The following CDC25C variants were observed in gnomAD, a reference collection of about 807,000 sequenced individuals.
CDC25C encodes M-phase inducer phosphatase 3.
A neutral mutation model predicts 52.5 loss-of-function variants in CDC25C; 48 were observed. That is an observed-to-expected ratio of 0.91 (90% confidence interval 0.72 to 1.16). The LOEUF is 1.16. CDC25C is among the 50% of genes most tolerant of loss of function. The pLI is 0.00. For synonymous variants in CDC25C, 187 were observed against 206.5 expected (o/e 0.91, Z 0.81); for missense variants, 510 against 566.1 (o/e 0.90, Z 1.01).
chr5:138,302,271 A>G (rs1757687024), intron 7 of CDC25C, among the ~76,000 whole-genome samples: 1 of 151,090 alleles, frequency 6.6e-6, no homozygotes, highest in African/African-American at 2.4e-5. Flanking sequence ...TGCTGGGATT[A>G]CAGGCATGAG....
rs1756309151 is a variant in CDC25C at position 138,287,113 on chromosome 5, C to G, written c.1026+56G>C. ...TAGACCCCTTTGTCCACAGACTCTT[C>G]TCAATAAAGAGTTATCTCCAGCCCT... is the stretch of plus-strand genomic sequence containing the variant. On this transcript the variant is annotated intron_variant, in intron 11 of 13. Transcript: ENST00000323760. The G allele has an allele frequency of 2.5e-6, 3 of 1,205,772 alleles. No individual in the cohort carries two copies. The East Asian group carries it at 7.0e-5, about 28-fold the overall frequency. The allele number at this position is 1,205,772 out of a possible 1,614,324, so 74.7% of individuals were successfully genotyped here.
chr5:138,301,155 C>T (rs1473454309), intron 7 of CDC25C, among the ~76,000 whole-genome samples: 1 of 151,886 alleles, frequency 6.6e-6, no homozygotes, highest in Admixed American at 6.6e-5. Context: ...TGGAGAAAGT[C>T]AATAAAACCA....
At chr5:138,308,551 CT>C (rs1359733478) in intron 7 of CDC25C, among the ~76,000 whole-genome samples, 1 of 152,030 alleles carries the variant, frequency 6.6e-6, no homozygotes, top group Admixed American at 6.5e-5. Context: ...CCCTAGAAAC[CT>C]TTTCCCCATG....
intron 3 of CDC25C, 58 bp downstream of exon 3, chr5:138,329,495 T>C: frequency 2.8e-6 from 3 of 1,081,006 alleles, no homozygotes; most frequent in Middle Eastern, 2.0e-4. Context: ...CCTCCTTCCC[T>C]GTTTTCTCCC....
intron 8 of CDC25C, among the ~76,000 whole-genome samples, chr5:138,290,963 T>C (rs1229197859): frequency 2.0e-5 from 3 of 151,870 alleles, no homozygotes; most frequent in African/African-American, 7.3e-5. Flanking sequence ...TGTTTATTTA[T>C]TATTTTTAAT....
rs376218256 is a variant in CDC25C, at chr5:138,307,584, A to G, written c.615+11635T>C. Among the ~76,000 whole-genome samples, 9 of 152,124 alleles carry G rather than the reference A, an allele frequency of 5.9e-5. No homozygotes were observed. The East Asian group carries it at 9.6e-4, about 16-fold the overall frequency. ...AGTTACAATCTAAGAAAATGAGCCC[A>G]TAAAAGGACAATTTTAAAACATTTT... On this transcript the variant is annotated intron_variant, in intron 7 of 13. Transcript: ENST00000323760.
chr5:138,323,093 G>A (rs1037859705), intron 6 of CDC25C, among the ~76,000 whole-genome samples: 3 of 151,214 alleles, frequency 2.0e-5, no homozygotes, highest in Admixed American at 6.6e-5. Context: ...CACCACGCCT[G>A]GCTAATTTTT....
chr5:138,330,273 A>G (rs540687024), intron 2 of CDC25C, among the ~76,000 whole-genome samples: 2 of 151,866 alleles, frequency 1.3e-5, no homozygotes, highest in Non-Finnish European at 2.9e-5. Flanking sequence ...CCTGAGCACT[A>G]TGAACACAGG....
intron 7 of CDC25C, among the ~76,000 whole-genome samples, chr5:138,316,695 G>C (rs1368216864): frequency 1.3e-5 from 2 of 152,160 alleles, no homozygotes; most frequent in Non-Finnish European, 2.9e-5. Context: ...GAAAAGATCA[G>C]ACAACCAAAG....
chr5:138,295,373 G>T (rs1757100674), intron 7 of CDC25C, among the ~76,000 whole-genome samples: 1 of 152,206 alleles, frequency 6.6e-6, no homozygotes, highest in Admixed American at 6.5e-5. Context: ...CACTTTGAGA[G>T]GCCAAGGTGA....
At position 138,289,508 on chromosome 5, in the gene CDC25C, G is replaced by A. The variant is rs1756532552; in HGVS notation, c.920C>T (p.Pro307Leu). 1.9e-6 allele frequency: 3 copies of A among 1,612,440 alleles called. No homozygotes were observed. The highest frequency in any genetic ancestry group is 2.5e-6 in the Non-Finnish European group (3 of 1,178,486). ...GKHQDLKYVNPETVAALLSGK... is the reference protein window; with the variant it reads ...GKHQDLKYVNLETVAALLSGK... Reference sequence around the variant, plus strand: ...CTCCAGAAATCTGCTTACTGTTTCTGGGTTGACATACTTCAGATCTTGGTG... The same window carrying A: ...CTCCAGAAATCTGCTTACTGTTTCTAGGTTGACATACTTCAGATCTTGGTG... The change falls in exon 10 of 14, where the codon CCA becomes CTA. Residue 307 changes from proline to leucine, a missense_variant. By Grantham distance (98) the Pro-to-Leu change is moderately conservative (BLOSUM62 -3). Coordinates refer to ENST00000323760, the MANE Select transcript of CDC25C (RefSeq NM_001790.5).
intron 8 of CDC25C, 60 bp downstream of exon 8, chr5:138,291,910 C>T (rs1047587657): frequency 1.1e-5 from 16 of 1,433,150 alleles, no homozygotes; most frequent in Admixed American, 2.0e-5. Context: ...ATCCTCATAC[C>T]AGAAAAGCAA....
Position 138,331,152 on chromosome 5 carries a change from C to A in CDC25C, c.29G>T (p.Arg10Ile). 6.2e-7 allele frequency: 1 copy of A among 1,614,156 alleles called. No individual in the cohort carries two copies. Among genetic ancestry groups the A allele is most frequent in the Non-Finnish European group, 8.5e-7 (1 of 1,179,976 alleles). Residue 10 changes from arginine (R) to isoleucine (I), a missense_variant, in exon 2 of 14, where the codon AGA (arginine) becomes ATA (isoleucine). Transcript: ENST00000323760. MSTELFSSTREEGSSGSGPS... is the reference protein window; with the variant it reads MSTELFSSTIEEGSSGSGPS... ...TCCTGAGCCAGAGCTTCCTTCCTCT[C>A]TTGTGGATGAGAAGAGTTCCGTAGA... is the stretch of plus-strand genomic sequence containing the variant.
rs1035088076 is a variant in CDC25C, at chr5:138,330,933, C to T, written c.194+54G>A. ...TTGAAAACAAACCAACAAACAAACC[C>T]AACTGTTTGGAAATAGCAAAGGCAA... is the stretch of plus-strand genomic sequence containing the variant. On this transcript the variant is annotated intron_variant, in intron 2 of 13. Coordinates refer to ENST00000323760, the MANE Select transcript of CDC25C (RefSeq NM_001790.5). 3 of 1,281,188 alleles carry T rather than the reference C, an allele frequency of 2.3e-6. No individual in the cohort carries two copies. The African/African-American group carries it at 4.4e-5, about 19-fold the overall frequency. 79.4% of individuals were successfully genotyped at this position (1,281,188 alleles called of 1,614,324 possible).
chr5:138,305,249 CAG>C lies in CDC25C; in HGVS notation c.616-13135_616-13134del, dbSNP rs573657415. 1.8e-3 allele frequency among the ~76,000 whole-genome samples: 268 copies of C among 152,298 alleles called. 2 individuals carry two copies. The highest frequency in any genetic ancestry group is 6.1e-3 in the African/African-American group (252 of 41,566). On this transcript the variant is annotated intron_variant, in intron 7 of 13. Coordinates refer to ENST00000323760, the MANE Select transcript of CDC25C (RefSeq NM_001790.5). ...CTAGAACATTCTAGTCCCAGGCAAA[CAG>C]AGAGTTCATCACCCGATTCTTAACC...
At chr5:138,298,705 G>A (rs746857335) in intron 7 of CDC25C, among the ~76,000 whole-genome samples, 31 of 151,546 alleles carry the variant, frequency 2.0e-4, no homozygotes, top group Non-Finnish European at 3.1e-4. Flanking sequence ...AGCTTAGGTC[G>A]TGCCACTGCA....
intron 2 of CDC25C, among the ~76,000 whole-genome samples, chr5:138,330,542 C>T (rs1760282080): frequency 6.6e-6 from 1 of 152,200 alleles, no homozygotes; most frequent in Non-Finnish European, 1.5e-5. Flanking sequence ...GAGTCTCACT[C>T]TGTTTCCCAG....
At chr5:138,296,771 A>G (rs1455701111) in intron 7 of CDC25C, among the ~76,000 whole-genome samples, 2 of 150,380 alleles carry the variant, frequency 1.3e-5, no homozygotes, top group Non-Finnish European at 3.0e-5. Flanking sequence ...GCACACAGCT[A>G]ATTTTTTGTA....
At chr5:138,318,334 G>T (rs1759065275) in intron 7 of CDC25C, among the ~76,000 whole-genome samples, 1 of 151,382 alleles carries the variant, frequency 6.6e-6, no homozygotes, top group Admixed American at 6.6e-5. Context: ...AATAAATAAA[G>T]ATAGGTTATC....
Sources: gnomAD v4.1 joint callset for allele counts (sites outside exome capture counted in the v4.1 genomes callset) on GRCh38, gnomAD v4.1.1 for gene constraint, MANE v1.5 for transcripts, NCBI Gene and HGNC (gene_info 2026-07-23, HGNC 2026-07-21) for gene names.